Variants in SCHIP1 observed in about 807,000 individuals in gnomAD.
SCHIP1 encodes the protein schwannomin-interacting protein 1.
Under a neutral mutation model 29.7 loss-of-function variants are expected in SCHIP1, and 8 were observed. The observed-to-expected ratio is 0.27, with a 90% CI of 0.16 to 0.49. The LOEUF (loss-of-function observed/expected upper bound fraction) is 0.49. Ranked by LOEUF, SCHIP1 falls within the 20% of genes least tolerant of loss-of-function variation. SCHIP1 has a pLI of 0.99. For synonymous variants in SCHIP1, 76 were observed against 94.9 expected (o/e 0.80, Z 1.16); for missense variants, 193 against 294.6 (o/e 0.66, Z 2.52).
chr3:159,848,863 A>G (rs1446720880), intron 1 of SCHIP1, among the ~76,000 whole-genome samples: 1 of 152,162 alleles, frequency 6.6e-6, no homozygotes, highest in Non-Finnish European at 1.5e-5. Flanking sequence ...GGCACAAGCT[A>G]TCCTGAAAAC....
At chr3:159,630,399 A>G in the SCHIP1 span, among the ~76,000 whole-genome samples, 1 of 152,206 alleles carries the variant, frequency 6.6e-6, no homozygotes, top group Non-Finnish European at 1.5e-5. Context: ...ACAATTCACA[A>G]TAGCAAAACT....
intron 6 of SCHIP1, chr3:159,893,048 C>T (rs1256451249): frequency 6.6e-6 from 1 of 152,236 alleles, no homozygotes; most frequent in Non-Finnish European, 1.5e-5. Flanking sequence ...TGGTCTACAA[C>T]AATCCCAGAG....
chr3:159,566,130 T>C, the SCHIP1 span, among the ~76,000 whole-genome samples: 1 of 152,330 alleles, frequency 6.6e-6, no homozygotes, highest in South Asian at 2.1e-4. Context: ...CAATGTAGAA[T>C]TTATACAAGT....
the SCHIP1 span, among the ~76,000 whole-genome samples, chr3:159,350,011 AT>A: frequency 1.3e-5 from 2 of 152,168 alleles, no homozygotes; most frequent in Non-Finnish European, 1.5e-5. Flanking sequence ...AAATAATTCT[AT>A]AAAATAGTGC....
chr3:159,658,140 T>C, the SCHIP1 span, among the ~76,000 whole-genome samples: 1 of 152,188 alleles, frequency 6.6e-6, no homozygotes. Flanking sequence ...TGTGAATTCA[T>C]TTCATAAAAT....
chr3:159,771,157 T>G, the SCHIP1 span, among the ~76,000 whole-genome samples: 81 of 152,222 alleles, frequency 5.3e-4, no homozygotes, highest in Non-Finnish European at 1.9e-4. Context: ...TGGTACTAAT[T>G]ATAGGTTATT....
chr3:159,829,812 G>T, the SCHIP1 span, among the ~76,000 whole-genome samples: 77 of 152,274 alleles, frequency 5.1e-4, no homozygotes, highest in African/African-American at 1.7e-3. Flanking sequence ...CATCTGTTTG[G>T]CACAGTCTCT....
At chr3:159,273,756 T>C in the SCHIP1 span, 3 of 1,595,648 alleles carry the variant, frequency 1.9e-6, no homozygotes, top group Non-Finnish European at 2.6e-6. Flanking sequence ...TACGGATTTC[T>C]TTCAAAGCCA....
At chr3:159,536,374 C>T in the SCHIP1 span, among the ~76,000 whole-genome samples, 1 of 152,186 alleles carries the variant, frequency 6.6e-6, no homozygotes, top group Non-Finnish European at 1.5e-5. Flanking sequence ...GCAAACTTGA[C>T]TTTCATCCCA....
the SCHIP1 span, among the ~76,000 whole-genome samples, chr3:159,395,202 TTC>T: frequency 1.3e-5 from 2 of 152,204 alleles, no homozygotes; most frequent in South Asian, 2.1e-4. Flanking sequence ...TATTTGATTC[TTC>T]TCTCTTTTTT....
the SCHIP1 span, among the ~76,000 whole-genome samples, chr3:159,712,519 C>T: frequency 6.6e-6 from 1 of 151,194 alleles, no homozygotes; most frequent in Non-Finnish European, 1.5e-5. Flanking sequence ...GAGTTCAAGA[C>T]CAGCCTGAAC....
chr3:159,830,177 C>G, the SCHIP1 span, among the ~76,000 whole-genome samples: 1 of 152,104 alleles, frequency 6.6e-6, no homozygotes, highest in Admixed American at 6.5e-5. Context: ...ACATTTAGTT[C>G]TATGTAAAGC....
the SCHIP1 span, among the ~76,000 whole-genome samples, chr3:159,741,782 C>A: frequency 2.0e-5 from 3 of 152,194 alleles, no homozygotes; most frequent in Non-Finnish European, 4.4e-5. Context: ...GAGGTGGCAA[C>A]CCCAAACAAG....
chr3:159,328,783 G>C, the SCHIP1 span, among the ~76,000 whole-genome samples: 1 of 152,168 alleles, frequency 6.6e-6, no homozygotes, highest in African/African-American at 2.4e-5. Flanking sequence ...TTAAACAAGA[G>C]AATGAATTTT....
Position 159,861,350 on chromosome 3 carries a change from C to A in SCHIP1, c.31-4813C>A, listed in dbSNP as rs192010619. On this transcript the variant is annotated intron_variant, in intron 1 of 6. Coordinates refer to ENST00000445224, the Ensembl canonical transcript of SCHIP1. This position sits in a 1 kb window ranked among gnomAD's most constrained non-coding sequence, Gnocchi z 4.1. ...TAGATTTGAAGATAGATGATACCTACCCATGCTGAACATTTTGCTCTTTAT... is the reference window on the plus strand; with the variant it reads ...TAGATTTGAAGATAGATGATACCTAACCATGCTGAACATTTTGCTCTTTAT... Among the ~76,000 whole-genome samples, 314 of 152,272 alleles carry A rather than the reference C, an allele frequency of 2.1e-3. 5 individuals are homozygous for A. The Middle Eastern group carries it at 0.024, about 12-fold the overall frequency.
At chr3:159,366,621 C>T in the SCHIP1 span, among the ~76,000 whole-genome samples, 1 of 152,154 alleles carries the variant, frequency 6.6e-6, no homozygotes, top group East Asian at 1.9e-4. Context: ...TAATTTGTGT[C>T]TAGACTTGTC....
chr3:159,836,264 C>A (rs577444353), upstream of SCHIP1, among the ~76,000 whole-genome samples: 1 of 152,220 alleles, frequency 6.6e-6, no homozygotes, highest in South Asian at 2.1e-4. Flanking sequence ...CTCATGAGGC[C>A]CCGTTTCCTG....
At chr3:159,391,922 A>G in the SCHIP1 span, among the ~76,000 whole-genome samples, 197 of 152,290 alleles carry the variant, frequency 1.3e-3, no homozygotes, top group Non-Finnish European at 1.8e-3. Flanking sequence ...TGTAAATCCA[A>G]TGACACTCAT....
intron 2 of SCHIP1, among the ~76,000 whole-genome samples, chr3:159,871,127 TC>T (rs756207044): frequency 2.0e-5 from 3 of 152,122 alleles, no homozygotes; most frequent in Admixed American, 1.3e-4. Flanking sequence ...TAAAATGTTT[TC>T]CTGTCCATCA....
Sources: gnomAD v4.1 joint callset for allele counts (sites outside exome capture counted in the v4.1 genomes callset) on GRCh38, gnomAD v4.1.1 for gene constraint, Gnocchi (gnomAD v3.1) non-coding constraint, MANE v1.5 for transcripts, NCBI Gene and HGNC (gene_info 2026-07-23, HGNC 2026-07-21) for gene names.